The following MSRA variants were observed in gnomAD, a reference collection of about 807,000 sequenced individuals.
MSRA encodes the protein mitochondrial peptide methionine sulfoxide reductase.
In MSRA, 54 loss-of-function variants were observed where a neutral mutation model predicts 31.3. The ratio of observed to expected loss-of-function variants is 1.73; its 90% confidence interval spans 1.39 to 2.17. The LOEUF (loss-of-function observed/expected upper bound fraction) is 2.17. Ranked by LOEUF, MSRA falls within the 30% of genes most tolerant of loss-of-function variation. The pLI, the probability that MSRA is intolerant of heterozygous loss-of-function variation, is 0.00. For missense variants in MSRA, 507 were observed against 300.9 expected, an observed-to-expected ratio of 1.69 and a Z score of -5.07; for synonymous variants, 169 against 116.5, an observed-to-expected ratio of 1.45 and a Z score of -2.90.
At chr8:10,215,370 A>G (rs549198801) in intron 2 of MSRA, among the ~76,000 whole-genome samples, 13 of 152,312 alleles carry the variant, frequency 8.5e-5, no homozygotes, top group Admixed American at 8.5e-4. Context: ...TTTGCCACCT[A>G]GGACTGTTGT....
intron 1 of MSRA, among the ~76,000 whole-genome samples, chr8:10,198,399 A>G (rs923417074): frequency 1.3e-5 from 2 of 152,068 alleles, no homozygotes; most frequent in African/African-American, 2.4e-5. Context: ...AAAAGTACTC[A>G]TGGTCATACT....
At chr8:10,133,590 G>A (rs748955056) in intron 1 of MSRA, among the ~76,000 whole-genome samples, 3 of 152,194 alleles carry the variant, frequency 2.0e-5, no homozygotes, top group Non-Finnish European at 4.4e-5. Flanking sequence ...GTGTGAACCT[G>A]TCCAGACCTG....
At chr8:10,397,513 A>G (rs1372364152) in intron 5 of MSRA, among the ~76,000 whole-genome samples, 2 of 152,088 alleles carry the variant, frequency 1.3e-5, no homozygotes, top group Non-Finnish European at 1.5e-5. Flanking sequence ...CTTCTTTGGG[A>G]GTGTTCACTG....
chr8:10,325,201 G>A (rs1456141074), intron 5 of MSRA, among the ~76,000 whole-genome samples: 2 of 152,186 alleles, frequency 1.3e-5, no homozygotes, highest in East Asian at 3.9e-4. Context: ...CCACGATGGA[G>A]TGACTTTCTG....
chr8:10,237,025 A>G (rs1812002270), intron 2 of MSRA, among the ~76,000 whole-genome samples: 1 of 152,206 alleles, frequency 6.6e-6, no homozygotes, highest in Non-Finnish European at 1.5e-5. Flanking sequence ...ACAAACACTC[A>G]CTGCGGGATT....
intron 2 of MSRA, among the ~76,000 whole-genome samples, chr8:10,241,759 A>G (rs1279289080): frequency 2.0e-5 from 3 of 152,174 alleles, no homozygotes; most frequent in South Asian, 2.1e-4. Flanking sequence ...CCCCACCTCT[A>G]GTCTTGCCAG....
intron 5 of MSRA, among the ~76,000 whole-genome samples, chr8:10,338,849 C>G (rs28526848): frequency 6.6e-6 from 1 of 152,128 alleles, no homozygotes; most frequent in East Asian, 1.9e-4. Context: ...GCCCTGATCA[C>G]TCTCTTTGGG....
At chr8:10,057,494 C>G (rs1012272546) in intron 1 of MSRA, among the ~76,000 whole-genome samples, 1 of 152,102 alleles carries the variant, frequency 6.6e-6, no homozygotes, top group East Asian at 1.9e-4. Context: ...CAGAACTGAT[C>G]TTATTTCCGG....
chr8:10,250,720 C>A, intron 3 of MSRA: 1 of 499,624 alleles, frequency 2.0e-6, no homozygotes, highest in South Asian at 3.2e-5. Flanking sequence ...ACTGTATGGT[C>A]TGCAAAACCT....
intron 5 of MSRA, among the ~76,000 whole-genome samples, chr8:10,352,516 G>C (rs933164044): frequency 1.3e-5 from 2 of 152,118 alleles, no homozygotes; most frequent in East Asian, 1.9e-4. Context: ...GTTGGTGAAA[G>C]AATGATCCGA....
intron 1 of MSRA, among the ~76,000 whole-genome samples, chr8:10,170,524 T>A (rs1378625267): frequency 6.6e-6 from 1 of 152,182 alleles, no homozygotes; most frequent in Non-Finnish European, 1.5e-5. Flanking sequence ...GTCTGTCAGT[T>A]CTGCATCAGT....
At chr8:10,289,490 C>A (rs1053063151) in intron 3 of MSRA, among the ~76,000 whole-genome samples, 1 of 152,074 alleles carries the variant, frequency 6.6e-6, no homozygotes. Flanking sequence ...TGCATCCCCT[C>A]GAGCATTTAT....
chr8:10,371,363 C>T (rs1488008062), intron 5 of MSRA, among the ~76,000 whole-genome samples: 2 of 152,038 alleles, frequency 1.3e-5, no homozygotes, highest in Non-Finnish European at 2.9e-5. Flanking sequence ...CCTCAGTCCC[C>T]AAACCTGTGC....
intron 2 of MSRA, among the ~76,000 whole-genome samples, chr8:10,222,114 T>C (rs1563235543): frequency 6.6e-6 from 1 of 152,136 alleles, no homozygotes; most frequent in African/African-American, 2.4e-5. Flanking sequence ...GAGTGCTCTG[T>C]TGAAGATGGC....
chr8:10,116,130 T>TG (rs943535288), intron 1 of MSRA, among the ~76,000 whole-genome samples: 1 of 152,212 alleles, frequency 6.6e-6, no homozygotes, highest in African/African-American at 2.4e-5. Context: ...GCACCATCCT[T>TG]GCAACCAATG....
intron 1 of MSRA, among the ~76,000 whole-genome samples, chr8:10,136,188 C>T (rs1693584412): frequency 6.6e-6 from 1 of 152,158 alleles, no homozygotes; most frequent in African/African-American, 2.4e-5. Context: ...CACAGGGACC[C>T]CGGGCAGAGA....
At chr8:10,254,051 G>A (rs964757213) in intron 3 of MSRA, among the ~76,000 whole-genome samples, 2 of 152,052 alleles carry the variant, frequency 1.3e-5, no homozygotes. Context: ...GGACTCCTCA[G>A]CCTGGGAGTT....
intron 1 of MSRA, among the ~76,000 whole-genome samples, chr8:10,162,053 C>T (rs988502332): frequency 1.3e-5 from 2 of 152,158 alleles, no homozygotes; most frequent in Non-Finnish European, 2.9e-5. Flanking sequence ...TTCTGTGAGA[C>T]ACAGCCCGTG....
intron 3 of MSRA, among the ~76,000 whole-genome samples, chr8:10,281,045 C>G (rs13264133): frequency 0.19 from 28,916 of 152,122 alleles, 3,662 homozygotes; most frequent in Non-Finnish European, 0.28. Flanking sequence ...TATGGAGTCT[C>G]TTTTTGGAGT....
Sources: gnomAD v4.1 joint callset for allele counts (sites outside exome capture counted in the v4.1 genomes callset) on GRCh38, gnomAD v4.1.1 for gene constraint, MANE v1.5 for transcripts, NCBI Gene and HGNC (gene_info 2026-07-23, HGNC 2026-07-21) for gene names.